MUSK: variants seen among roughly 807,000 people sequenced by gnomAD.
MUSK encodes the protein muscle, skeletal receptor tyrosine-protein kinase.
Under a neutral mutation model 88.7 loss-of-function variants are expected in MUSK, and 55 were observed. The observed-to-expected ratio is 0.62, with a 90% CI of 0.50 to 0.78. The LOEUF is 0.78. Among genes scored for constraint, MUSK ranks in the 30% least tolerant of loss-of-function variants. The pLI is 0.00. For missense variants in MUSK, 1,015 were observed against 1,074.3 expected (o/e 0.94, Z 0.77); for synonymous variants, 387 against 391.9 (o/e 0.99, Z 0.15).
intron 3 of MUSK, among the ~76,000 whole-genome samples, chr9:110,693,248 A>C (rs1157670878): frequency 2.0e-5 from 3 of 152,036 alleles, no homozygotes; most frequent in Non-Finnish European, 4.4e-5. Context: ...TGGGTTCTAT[A>C]CTAAATCCCC....
intron 5 of MUSK, among the ~76,000 whole-genome samples, chr9:110,705,131 C>T (rs943004579): frequency 6.6e-6 from 1 of 151,852 alleles, no homozygotes; most frequent in Admixed American, 6.6e-5. Flanking sequence ...GGAAAAAAAA[C>T]ACTTCTTCCA....
At chr9:110,728,756 T>C (rs1267269091) in intron 5 of MUSK, 5 of 1,520,792 alleles carry the variant, frequency 3.3e-6, no homozygotes, top group African/African-American at 2.8e-5. Flanking sequence ...TTTTTAATTG[T>C]GTAGCTCTTT....
chr9:110,785,138 G>C lies in MUSK; in HGVS notation c.1586+122G>C, dbSNP rs1269340865. On this transcript the variant is annotated intron_variant, in intron 12 of 14. Transcript: ENST00000374448. ...ACTCTCTAAATATATCCGTAGCCCT[G>C]CTTTAAAATTAAGCACCCCCATCAT... The C allele has an allele frequency of 1.1e-5, 10 of 893,658 alleles. No individual in the cohort carries two copies. The East Asian group carries it at 2.5e-4, about 22-fold the overall frequency. The allele number at this position is 893,658 out of a possible 1,614,324, so 55.4% of individuals were successfully genotyped here.
chr9:110,784,764 T>A, intron 11 of MUSK, 51 bp from the exon 12 acceptor site: 1 of 1,426,652 alleles, frequency 7.0e-7, no homozygotes, highest in East Asian at 2.3e-5. Context: ...ATACAAAAAA[T>A]TGCTTCTTAA....
intron 3 of MUSK, among the ~76,000 whole-genome samples, chr9:110,689,063 G>C (rs1218323578): frequency 7.4e-6 from 1 of 134,790 alleles, no homozygotes; most frequent in Non-Finnish European, 1.5e-5. Flanking sequence ...TAAATATATA[G>C]CTATAGTTAT....
intron 7 of MUSK, among the ~76,000 whole-genome samples, chr9:110,756,982 A>AG (rs1435360021): frequency 6.6e-6 from 1 of 152,110 alleles, no homozygotes; most frequent in Non-Finnish European, 1.5e-5. Context: ...AATAAATACA[A>AG]GGGGGTCCAT....
chr9:110,755,983 T>TATATAC (rs2077317385), intron 7 of MUSK, among the ~76,000 whole-genome samples: 21 of 127,040 alleles, frequency 1.7e-4, no homozygotes, highest in African/African-American at 6.7e-4. Flanking sequence ...TATATACATA[T>TATATAC]ATATATATAT....
chr9:110,744,532 T>G, intron 6 of MUSK, among the ~76,000 whole-genome samples: 1 of 152,238 alleles, frequency 6.6e-6, no homozygotes, highest in East Asian at 1.9e-4. Context: ...CAGGCATGAA[T>G]TATTATGCCT....
chr9:110,800,369 A>C lies in MUSK; in HGVS notation c.1991A>C (p.Asn664Thr), dbSNP rs55963442. Residue 664 changes from asparagine to threonine, a missense_variant, in exon 15 of 15, where the codon AAT becomes ACT. Coordinates refer to ENST00000374448, the MANE Select transcript of MUSK (RefSeq NM_005592.4). ...LFEYMAYGDL[N>T]EFLRSMSPHT... ...GAATACATGGCCTATGGTGACCTCA[A>C]TGAGTTCCTCCGCAGCATGTCCCCT... The C allele has an allele frequency of 2.5e-6, 4 of 1,613,820 alleles. No homozygotes were observed. In the South Asian group the frequency reaches 4.4e-5, roughly 18 times the overall value.
chr9:110,738,837 G>C (rs758463578), intron 6 of MUSK, among the ~76,000 whole-genome samples: 36 of 152,014 alleles, frequency 2.4e-4, no homozygotes, highest in Non-Finnish European at 2.9e-4. Flanking sequence ...CAGAAATCAG[G>C]GAACATTAAG....
At chr9:110,689,539 AT>A (rs2076261285) in intron 3 of MUSK, among the ~76,000 whole-genome samples, 1 of 106,816 alleles carries the variant, frequency 9.4e-6, no homozygotes, top group African/African-American at 4.1e-5. Context: ...ATATAAATAT[AT>A]AGTTATATAT....
chr9:110,697,513 C>G lies in MUSK; in HGVS notation c.628+47C>G, dbSNP rs1223876418. The G allele has an allele frequency of 3.2e-6, 5 of 1,579,796 alleles. No individual in the cohort carries two copies. The Admixed American group carries it at 8.7e-5, about 27-fold the overall frequency. ...CCTGACTGTGTGACCAGGGGCCTCA[C>G]TGTCTACTGTGAAGGCTGCACCTGG... On this transcript the variant is annotated intron_variant, in intron 5 of 14. Coordinates refer to ENST00000374448, the MANE Select transcript of MUSK (RefSeq NM_005592.4).
intron 5 of MUSK, among the ~76,000 whole-genome samples, chr9:110,725,989 C>T (rs944699051): frequency 6.6e-6 from 1 of 151,920 alleles, no homozygotes; most frequent in African/African-American, 2.4e-5. Flanking sequence ...CCAAAAAAGT[C>T]ATACAGCGAA....
chr9:110,778,724 A>G (rs1389496550), intron 11 of MUSK, among the ~76,000 whole-genome samples: 1 of 152,068 alleles, frequency 6.6e-6, no homozygotes, highest in African/African-American at 2.4e-5. Flanking sequence ...CTCTGTCTTC[A>G]GAGCCAGAAT....
intron 5 of MUSK, among the ~76,000 whole-genome samples, chr9:110,718,790 T>C (rs973248821): frequency 1.3e-5 from 2 of 152,046 alleles, no homozygotes; most frequent in Non-Finnish European, 2.9e-5. Context: ...TATCAGGTTA[T>C]CTAGAATCAA....
At chr9:110,707,044 A>AGG (rs960979379) in intron 5 of MUSK, among the ~76,000 whole-genome samples, 1 of 151,662 alleles carries the variant, frequency 6.6e-6, no homozygotes, top group Non-Finnish European at 1.5e-5. Context: ...ATAAAGAGAG[A>AGG]GAGAGAGAGA....
chr9:110,776,762 G>A lies in MUSK; in HGVS notation c.1384+107G>A, dbSNP rs913910058. 40 of 957,198 alleles carry A rather than the reference G, an allele frequency of 4.2e-5. 1 individual carries two copies. The highest frequency in any genetic ancestry group is 2.2e-4 in the South Asian group (11 of 50,118). The allele number at this position is 957,198 out of a possible 1,614,324, so 59.3% of individuals were successfully genotyped here. Reference sequence around the variant, plus strand: ...GATGCCCAGAACAGAATGTACAGCCGCTCTCAAAGTCTTCTCACCATACTC... The same window carrying A: ...GATGCCCAGAACAGAATGTACAGCCACTCTCAAAGTCTTCTCACCATACTC... On this transcript the variant is annotated intron_variant, in intron 11 of 14. Coordinates refer to ENST00000374448, the MANE Select transcript of MUSK (RefSeq NM_005592.4).
intron 6 of MUSK, among the ~76,000 whole-genome samples, chr9:110,736,608 T>C (rs910285929): frequency 6.6e-6 from 1 of 152,184 alleles, no homozygotes; most frequent in East Asian, 1.9e-4. Context: ...TTTATTTGAG[T>C]GAGATGAGGT....
At chr9:110,688,961 T>C (rs1006300441) in intron 3 of MUSK, among the ~76,000 whole-genome samples, 6 of 145,410 alleles carry the variant, frequency 4.1e-5, no homozygotes, top group African/African-American at 1.5e-4. Context: ...TAAATATAAA[T>C]ACATACATAT....
Sources: gnomAD v4.1 joint callset for allele counts (sites outside exome capture counted in the v4.1 genomes callset) on GRCh38, gnomAD v4.1.1 for gene constraint, MANE v1.5 for transcripts, NCBI Gene and HGNC (gene_info 2026-07-23, HGNC 2026-07-21) for gene names.